The following ELMO1 variants were observed in gnomAD, a reference collection of about 807,000 sequenced individuals.
ELMO1 encodes the protein engulfment and cell motility 1.
ELMO1 carries 26 observed loss-of-function variants against 98.9 expected under a neutral mutation model. The observed-to-expected ratio is 0.26, with a 90% confidence interval of 0.19 to 0.36. The LOEUF (loss-of-function observed/expected upper bound fraction) is 0.36, where lower values mean the gene tolerates loss of function less well. Ranked by LOEUF, ELMO1 falls within the 10% of genes least tolerant of loss-of-function variation. ELMO1 has a pLI of 1.00. For missense variants in ELMO1, 627 were observed against 935.2 expected (o/e 0.67, Z 4.30); for synonymous variants, 346 against 346.0 (o/e 1.00, Z 0.00).
chr7:37,013,913 G>A (rs1326398832), intron 15 of ELMO1, among the ~76,000 whole-genome samples: 1 of 152,154 alleles, frequency 6.6e-6, no homozygotes, highest in African/African-American at 2.4e-5. Flanking sequence ...ATTTCTCCAG[G>A]AGGCTCTTTT....
At chr7:37,284,895 C>G (rs1453151260) in intron 4 of ELMO1, among the ~76,000 whole-genome samples, 1 of 152,208 alleles carries the variant, frequency 6.6e-6, no homozygotes, top group Admixed American at 6.5e-5. Flanking sequence ...TGTGACACTT[C>G]ACCAATAGAG....
intron 4 of ELMO1, among the ~76,000 whole-genome samples, chr7:37,314,509 G>C (rs952328947): frequency 1.2e-4 from 2 of 17,110 alleles, no homozygotes; most frequent in African/African-American, 2.4e-4. Flanking sequence ...AAGGGTTAGA[G>C]GCTACTTTGA....
At chr7:37,447,714 C>CA (rs1554316231) in intron 1 of ELMO1, among the ~76,000 whole-genome samples, 2 of 132,140 alleles carry the variant, frequency 1.5e-5, no homozygotes, top group African/African-American at 6.2e-5. Context: ...CGCGCACACA[C>CA]CACACACACA....
intron 16 of ELMO1, among the ~76,000 whole-genome samples, chr7:36,973,198 C>A (rs1790129912): frequency 6.6e-6 from 1 of 152,242 alleles, no homozygotes; most frequent in Non-Finnish European, 1.5e-5. Context: ...GAAGCCAGAG[C>A]ATGGTGCAGG....
At chr7:37,279,204 AAAACAAAC>A (rs80120876) in intron 4 of ELMO1, among the ~76,000 whole-genome samples, 66 of 150,698 alleles carry the variant, frequency 4.4e-4, no homozygotes, top group East Asian at 9.8e-4. Context: ...CTCCGTTTCA[AAAACAAAC>A]AAACAAACAA....
At chr7:37,157,138 A>G (rs1010906109) in intron 13 of ELMO1, among the ~76,000 whole-genome samples, 2 of 152,256 alleles carry the variant, frequency 1.3e-5, no homozygotes, top group Non-Finnish European at 2.9e-5. Context: ...AAAACTCTCA[A>G]TAAAATAGGT....
At chr7:37,196,647 T>C (rs1418896498) in intron 13 of ELMO1, among the ~76,000 whole-genome samples, 1 of 152,172 alleles carries the variant, frequency 6.6e-6, no homozygotes, top group African/African-American at 2.4e-5. Flanking sequence ...GCTACTTTCA[T>C]CTATTTCACT....
At chr7:37,298,161 T>C (rs1310839922) in intron 4 of ELMO1, among the ~76,000 whole-genome samples, 1 of 152,118 alleles carries the variant, frequency 6.6e-6, no homozygotes, top group Non-Finnish European at 1.5e-5. Context: ...TGGTACCTCA[T>C]TTTTTAGCAT....
rs760911367 is a variant in ELMO1 at position 36,861,650 on chromosome 7, G to T, written c.1983+9C>A. On this transcript the variant is annotated intron_variant, in intron 21 of 21. Coordinates refer to ENST00000310758, the MANE Select transcript of ELMO1 (RefSeq NM_014800.11). ...TTATCTCATAAATTATCACCCCCGA[G>T]ACCCTTACCTCATGCTTGTCAGGAG... 47 of 1,612,174 alleles carry T rather than the reference G, an allele frequency of 2.9e-5. No individual in the cohort carries two copies. In the South Asian group the frequency reaches 4.7e-4, roughly 16 times the overall value.
intron 15 of ELMO1, among the ~76,000 whole-genome samples, chr7:37,084,757 T>A (rs1012407220): frequency 6.6e-6 from 1 of 151,010 alleles, no homozygotes; most frequent in South Asian, 2.1e-4. Context: ...AAAAGCAAAT[T>A]CCTTTTTTTT....
intron 16 of ELMO1, among the ~76,000 whole-genome samples, chr7:36,978,327 A>G (rs1425066263): frequency 6.6e-6 from 1 of 151,000 alleles, no homozygotes; most frequent in East Asian, 1.9e-4. Context: ...AGGTTACTTC[A>G]AGATCTAGGA....
chr7:37,245,765 C>T (rs1794974377), intron 6 of ELMO1, among the ~76,000 whole-genome samples: 1 of 152,018 alleles, frequency 6.6e-6, no homozygotes, highest in Admixed American at 6.6e-5. Flanking sequence ...CTAGATAGTT[C>T]TGGAACATCT....
At chr7:37,274,705 A>C (rs1232443642) in intron 4 of ELMO1, among the ~76,000 whole-genome samples, 2 of 152,054 alleles carry the variant, frequency 1.3e-5, no homozygotes, top group Non-Finnish European at 2.9e-5. Context: ...GGAGCCTGTC[A>C]CCAAGCCCGG....
chr7:36,884,166 C>CA (rs773473562), intron 18 of ELMO1, among the ~76,000 whole-genome samples: 1 of 151,960 alleles, frequency 6.6e-6, no homozygotes, highest in Non-Finnish European at 1.5e-5. Context: ...GCTAAAAATA[C>CA]AAAAAAATTA....
At chr7:37,080,624 T>TTTG (rs60662134) in intron 15 of ELMO1, among the ~76,000 whole-genome samples, 1 of 144,874 alleles carries the variant, frequency 6.9e-6, no homozygotes, top group African/African-American at 2.6e-5. Flanking sequence ...TTTTTTTTTT[T>TTTG]GTATTTTTAG....
intron 13 of ELMO1, among the ~76,000 whole-genome samples, chr7:37,156,749 C>T (rs1175952411): frequency 2.0e-5 from 3 of 152,172 alleles, no homozygotes; most frequent in African/African-American, 7.2e-5. Context: ...CAAAGAGGAG[C>T]TGGTACCATT....
chr7:37,020,019 G>C (rs966104865), intron 15 of ELMO1, among the ~76,000 whole-genome samples: 8 of 152,206 alleles, frequency 5.3e-5, no homozygotes, highest in Non-Finnish European at 1.0e-4. Context: ...GTAATGTGTA[G>C]TGGGGCAGGT....
chr7:36,913,174 T>C (rs76894028), intron 16 of ELMO1, among the ~76,000 whole-genome samples: 7,451 of 152,290 alleles, frequency 0.049, 297 homozygotes, highest in South Asian at 0.15. Flanking sequence ...AAATTCACAT[T>C]GGCCACATTC....
intron 4 of ELMO1, among the ~76,000 whole-genome samples, chr7:37,292,879 C>CAG (rs2036455339): frequency 9.6e-6 from 1 of 104,078 alleles, no homozygotes; most frequent in Non-Finnish European, 2.2e-5. Flanking sequence ...AGTGAGGAGC[C>CAG]CCTCTGCCCG....
Sources: allele counts gnomAD v4.1 joint callset (sites outside exome capture counted in the v4.1 genomes callset), GRCh38; gene constraint gnomAD v4.1.1; transcripts MANE v1.5; gene names NCBI Gene and HGNC (gene_info 2026-07-23, HGNC 2026-07-21).